Variants in ZNF385D observed in about 807,000 individuals in gnomAD.
ZNF385D encodes zinc finger protein 659.
Under a neutral mutation model 35.8 loss-of-function variants are expected in ZNF385D, and 15 were observed. The ratio of observed to expected loss-of-function variants is 0.42; its 90% CI spans 0.28 to 0.64. ZNF385D has a LOEUF of 0.64. Ranked by LOEUF, ZNF385D falls within the 30% of genes least tolerant of loss-of-function variation. The pLI, the probability that ZNF385D is intolerant of heterozygous loss-of-function variation, is 0.23. For synonymous variants in ZNF385D, 212 were observed against 186.8 expected, an observed-to-expected ratio of 1.13 and a Z score of -1.10; for missense variants, 474 against 494.6, an observed-to-expected ratio of 0.96 and a Z score of 0.39.
intron 3 of ZNF385D, among the ~76,000 whole-genome samples, chr3:21,961,915 G>A (rs773471049): frequency 6.6e-6 from 1 of 152,012 alleles, no homozygotes; most frequent in Non-Finnish European, 1.5e-5. Flanking sequence ...ATGACTAAAA[G>A]GAAAAGAATT....
At chr3:21,493,622 G>A (rs568379465) in intron 4 of ZNF385D, among the ~76,000 whole-genome samples, 2 of 149,718 alleles carry the variant, frequency 1.3e-5, no homozygotes, top group East Asian at 4.0e-4. Flanking sequence ...TCCCTTTTAG[G>A]TTAATGGATT....
intron 3 of ZNF385D, among the ~76,000 whole-genome samples, chr3:22,063,852 C>T (rs896195447): frequency 1.8e-4 from 28 of 152,212 alleles, no homozygotes; most frequent in African/African-American, 5.5e-4. Flanking sequence ...GTTATCCAAG[C>T]TCCAGAGCTC....
chr3:21,869,036 T>A (rs1697542732), intron 3 of ZNF385D, among the ~76,000 whole-genome samples: 1 of 152,246 alleles, frequency 6.6e-6, no homozygotes, highest in South Asian at 2.1e-4. Context: ...TTTGTTTCTG[T>A]TTCACTGGGA....
intron 2 of ZNF385D, among the ~76,000 whole-genome samples, chr3:22,292,551 G>A (rs1390921749): frequency 6.6e-6 from 1 of 152,002 alleles, no homozygotes; most frequent in Non-Finnish European, 1.5e-5. Context: ...TCTATTTAAA[G>A]CAACATGCCC....
At chr3:21,970,400 G>C (rs1703173222) in intron 3 of ZNF385D, among the ~76,000 whole-genome samples, 2 of 151,170 alleles carry the variant, frequency 1.3e-5, no homozygotes, top group Non-Finnish European at 3.0e-5. Context: ...AGAAAATGCA[G>C]TTGACATACT....
At chr3:22,102,996 C>CTG (rs1702022733) in intron 3 of ZNF385D, among the ~76,000 whole-genome samples, 1 of 149,742 alleles carries the variant, frequency 6.7e-6, no homozygotes, top group African/African-American at 2.4e-5. Context: ...ATATTATATA[C>CTG]TGTATATATA....
intron 3 of ZNF385D, among the ~76,000 whole-genome samples, chr3:22,129,929 C>G (rs79564045): frequency 2.0e-5 from 3 of 152,094 alleles, no homozygotes; most frequent in Non-Finnish European, 2.9e-5. Flanking sequence ...TGGGTCACAC[C>G]TGAAGCCAGC....
chr3:22,288,204 A>G (rs1483943022), intron 2 of ZNF385D, among the ~76,000 whole-genome samples: 2 of 152,080 alleles, frequency 1.3e-5, no homozygotes, highest in African/African-American at 4.8e-5. Context: ...TGATAATTTA[A>G]AATAATGTGC....
At chr3:22,120,300 G>A (rs1703024733) in intron 3 of ZNF385D, among the ~76,000 whole-genome samples, 1 of 151,086 alleles carries the variant, frequency 6.6e-6, no homozygotes, top group Non-Finnish European at 1.5e-5. Flanking sequence ...TTCTCCTTTG[G>A]CCTCTTTCCT....
At chr3:21,690,735 A>G (rs1206383016) in intron 1 of ZNF385D, among the ~76,000 whole-genome samples, 1 of 152,176 alleles carries the variant, frequency 6.6e-6, no homozygotes, top group African/African-American at 2.4e-5. Context: ...CGTGTTAGAT[A>G]TTCAAATTCA....
chr3:21,561,825 AAC>A (rs67823598), intron 3 of ZNF385D: 103,058 of 151,762 alleles, frequency 0.68, 35,771 homozygotes, highest in African/African-American at 0.83. Context: ...AGATCACCAT[AAC>A]AGATATAGTA....
chr3:22,083,068 C>G (rs929079008), intron 3 of ZNF385D, among the ~76,000 whole-genome samples: 2 of 152,194 alleles, frequency 1.3e-5, no homozygotes, highest in Non-Finnish European at 2.9e-5. Flanking sequence ...AAATCCTCAT[C>G]TGTAGGTCAC....
At chr3:22,358,520 A>G (rs1273386195) in intron 2 of ZNF385D, among the ~76,000 whole-genome samples, 1 of 151,754 alleles carries the variant, frequency 6.6e-6, no homozygotes, top group Admixed American at 6.6e-5. Context: ...AAGAGAGAGG[A>G]TGAGTAATTG....
intron 1 of ZNF385D, among the ~76,000 whole-genome samples, chr3:21,724,451 G>A (rs2068668347): frequency 1.4e-5 from 1 of 71,218 alleles, no homozygotes; most frequent in Admixed American, 1.7e-4. Flanking sequence ...AGGGATGCAG[G>A]AATATTTACC....
chr3:22,033,986 G>C lies in ZNF385D; in HGVS notation c.325+134831C>G, dbSNP rs564901306. On this transcript the variant is annotated intron_variant, in intron 3 of 5. Transcript: ENST00000494108. ...AGGAAACCTGAGACGGTTTGCTTAG[G>C]ACAGTCCCTTTTTTAAAACGTAAAG... Among the ~76,000 whole-genome samples, 7 of 152,220 alleles carry C rather than the reference G, an allele frequency of 4.6e-5. No homozygotes were observed. The South Asian group carries it at 1.5e-3, about 32-fold the overall frequency.
At chr3:21,617,352 C>T (rs1046628894) in intron 2 of ZNF385D, among the ~76,000 whole-genome samples, 2 of 152,146 alleles carry the variant, frequency 1.3e-5, no homozygotes, top group African/African-American at 4.8e-5. Flanking sequence ...GGGTTTGAGT[C>T]GTAGCTCTGT....
intron 2 of ZNF385D, among the ~76,000 whole-genome samples, chr3:22,182,594 C>A (rs1165500742): frequency 6.6e-6 from 1 of 151,368 alleles, no homozygotes; most frequent in Non-Finnish European, 1.5e-5. Context: ...GTATCACTAT[C>A]GAATTTGACT....
intron 4 of ZNF385D, 42 bp downstream of exon 4, chr3:21,510,819 C>A (rs372116590): frequency 2.5e-6 from 4 of 1,603,902 alleles, no homozygotes; most frequent in Non-Finnish European, 3.4e-6. Context: ...GAATCCCCAA[C>A]GACGACGACG....
chr3:22,289,426 G>A (rs934518886), intron 2 of ZNF385D, among the ~76,000 whole-genome samples: 1 of 152,130 alleles, frequency 6.6e-6, no homozygotes, highest in Non-Finnish European at 1.5e-5. Context: ...AGGAAAAAAG[G>A]TTCAAGAAGT....
Sources: gnomAD v4.1 joint callset for allele counts (sites outside exome capture counted in the v4.1 genomes callset) on GRCh38, gnomAD v4.1.1 for gene constraint, MANE v1.5 for transcripts, NCBI Gene and HGNC (gene_info 2026-07-23, HGNC 2026-07-21) for gene names.